FGF12: variants seen among roughly 807,000 people sequenced by gnomAD.
FGF12 encodes fibroblast growth factor 12.
FGF12 carries 14 observed loss-of-function variants against 23.6 expected under a neutral mutation model. The ratio of observed to expected loss-of-function variants is 0.59; its 90% CI spans 0.39 to 0.93. The LOEUF is 0.93. Among genes scored for constraint, FGF12 ranks in the 40% least tolerant of loss-of-function variants. The pLI is 0.00. For synonymous variants in FGF12, 62 were observed against 77.3 expected (o/e 0.80, Z 1.04); for missense variants, 175 against 217.8 (o/e 0.80, Z 1.24).
intron 4 of FGF12, among the ~76,000 whole-genome samples, chr3:192,182,753 C>T (rs751310485): frequency 1.2e-4 from 18 of 152,186 alleles, no homozygotes; most frequent in Non-Finnish European, 1.8e-4. Flanking sequence ...ATCCCAACAT[C>T]CAGGGGGCCC....
intron 4 of FGF12, among the ~76,000 whole-genome samples, chr3:192,288,666 T>G (rs1252665891): frequency 1.3e-5 from 2 of 152,130 alleles, no homozygotes; most frequent in South Asian, 2.1e-4. Context: ...ATAAATGTAC[T>G]TAAGCAATGG....
intron 4 of FGF12, among the ~76,000 whole-genome samples, chr3:192,195,482 C>T (rs967411873): frequency 4.6e-5 from 7 of 152,118 alleles, no homozygotes; most frequent in Admixed American, 3.9e-4. Context: ...AAACACTTAC[C>T]GTTATTTACA....
chr3:192,714,513 ATTTT>A (rs770781442), intron 2 of FGF12, among the ~76,000 whole-genome samples: 5 of 99,754 alleles, frequency 5.0e-5, no homozygotes, highest in South Asian at 3.9e-4. Flanking sequence ...TAAGGAAATA[ATTTT>A]TTTTTTTTTT....
intron 2 of FGF12, among the ~76,000 whole-genome samples, chr3:192,522,229 G>C (rs1286296963): frequency 6.6e-6 from 1 of 151,628 alleles, no homozygotes; most frequent in Non-Finnish European, 1.5e-5. Context: ...AAACGGGGGG[G>C]ACTTTTTTGT....
Position 192,704,577 on chromosome 3 carries a change from G to A in FGF12, c.13+22604C>T, listed in dbSNP as rs139914748. The stretch of plus-strand genomic sequence containing the variant: ...AGAGTATATTTAACATAATTCTCAA[G>A]GGCCCTACTATTTTCAGAATGGTGC... On this transcript the variant is annotated intron_variant, in intron 2 of 5. Transcript: ENST00000445105. Among the ~76,000 whole-genome samples, 169 of 152,214 alleles carry A rather than the reference G, an allele frequency of 1.1e-3. 1 individual carries two copies. The highest frequency in any genetic ancestry group is 3.7e-3 in the African/African-American group (155 of 41,540).
chr3:192,176,898 T>G lies in FGF12; in HGVS notation c.229-6242A>C, dbSNP rs188430375. On this transcript the variant is annotated intron_variant, in intron 4 of 5. Coordinates refer to ENST00000445105, the MANE Select transcript of FGF12 (RefSeq NM_004113.6). ...TTCCATTCTGTCTCCAACTAACACA[T>G]TCCCCTTCTTATTTTCTATTCCACA... 7.9e-5 allele frequency among the ~76,000 whole-genome samples: 12 copies of G among 152,348 alleles called. No homozygotes were observed. In the East Asian group the frequency reaches 2.3e-3, roughly 29 times the overall value.
chr3:192,581,288 G>A (rs550638391), intron 2 of FGF12, among the ~76,000 whole-genome samples: 127 of 151,888 alleles, frequency 8.4e-4, no homozygotes, highest in African/African-American at 2.6e-3. Flanking sequence ...TAATACAGCC[G>A]GGCATAGTGG....
rs752458416 is a variant in FGF12 at position 192,677,612 on chromosome 3, GAA to G, written c.13+49567_13+49568del. Among the ~76,000 whole-genome samples the G allele has an allele frequency of 3.3e-5, 5 of 152,270 alleles. No homozygotes were observed. The East Asian group carries it at 9.6e-4, about 29-fold the overall frequency. On this transcript the variant is annotated intron_variant, in intron 2 of 5. Transcript: ENST00000445105. ...AATAGAAACTCTAAAATTGGAAACT[GAA>G]AAAACAAAATAGCCATATGTTCTAT...
At chr3:192,613,031 C>G (rs985037690) in intron 2 of FGF12, among the ~76,000 whole-genome samples, 1 of 151,610 alleles carries the variant, frequency 6.6e-6, no homozygotes, top group Non-Finnish European at 1.5e-5. Context: ...CCTTTCCCTG[C>G]TCATTTTTCT....
intron 2 of FGF12, among the ~76,000 whole-genome samples, chr3:192,450,154 T>C (rs1271424316): frequency 1.3e-5 from 2 of 152,088 alleles, no homozygotes; most frequent in Non-Finnish European, 2.9e-5. Flanking sequence ...ATCCCATTTT[T>C]CCCACTGCAC....
At chr3:192,207,171 T>C (rs1216371192) in intron 4 of FGF12, among the ~76,000 whole-genome samples, 1 of 152,202 alleles carries the variant, frequency 6.6e-6, no homozygotes, top group Non-Finnish European at 1.5e-5. Context: ...ACGAAAATAA[T>C]ACTTCATAAT....
intron 4 of FGF12, among the ~76,000 whole-genome samples, chr3:192,209,424 T>C (rs1717819156): frequency 6.6e-6 from 1 of 152,208 alleles, no homozygotes; most frequent in Admixed American, 6.5e-5. Flanking sequence ...AGATCCCTTT[T>C]TATAATAGAA....
intron 4 of FGF12, among the ~76,000 whole-genome samples, chr3:192,300,729 G>C (rs1211676126): frequency 1.3e-5 from 2 of 152,092 alleles, no homozygotes; most frequent in African/African-American, 4.8e-5. Flanking sequence ...AAGAATCCCT[G>C]AAGGCTCACC....
intron 4 of FGF12, among the ~76,000 whole-genome samples, chr3:192,315,121 G>C (rs1237534963): frequency 6.6e-6 from 1 of 152,106 alleles, no homozygotes; most frequent in Middle Eastern, 3.2e-3. Context: ...TAGGTTTTTT[G>C]TTTGGTGCAG....
intron 4 of FGF12, among the ~76,000 whole-genome samples, chr3:192,217,820 T>C (rs1244375483): frequency 6.6e-6 from 1 of 152,086 alleles, no homozygotes; most frequent in Non-Finnish European, 1.5e-5. Flanking sequence ...TTGTCACTTT[T>C]CTTTTTTTCT....
chr3:192,215,351 T>A (rs1037006615), intron 4 of FGF12, among the ~76,000 whole-genome samples: 2 of 152,310 alleles, frequency 1.3e-5, no homozygotes, highest in Admixed American at 1.3e-4. Context: ...CACCCAGCAA[T>A]TTAAAGAAGT....
chr3:192,634,256 G>T (rs1715499844), intron 2 of FGF12, among the ~76,000 whole-genome samples: 1 of 151,442 alleles, frequency 6.6e-6, no homozygotes, highest in Admixed American at 6.6e-5. Context: ...TCATATTCAT[G>T]GGTTCTACAT....
chr3:192,453,652 T>G (rs534619241), intron 2 of FGF12, among the ~76,000 whole-genome samples: 1 of 152,302 alleles, frequency 6.6e-6, no homozygotes, highest in Admixed American at 6.5e-5. Context: ...TTGCATTTTT[T>G]TTGTCAGGAT....
At chr3:192,180,693 T>C (rs1157090037) in intron 4 of FGF12, among the ~76,000 whole-genome samples, 1 of 152,230 alleles carries the variant, frequency 6.6e-6, no homozygotes, top group East Asian at 1.9e-4. Context: ...TCCTAACTTT[T>C]AAAACTTCTG....
Sources: allele counts gnomAD v4.1 joint callset (sites outside exome capture counted in the v4.1 genomes callset), GRCh38; gene constraint gnomAD v4.1.1; transcripts MANE v1.5; gene names NCBI Gene and HGNC (gene_info 2026-07-23, HGNC 2026-07-21).